The following ITGA9 variants were observed in gnomAD, a reference collection of about 807,000 sequenced individuals.
The protein encoded by ITGA9 is integrin subunit alpha 9, also known as integrin alpha-9.
A neutral mutation model predicts 127.8 loss-of-function variants in ITGA9; 56 were observed. That is an observed-to-expected ratio of 0.44 (90% CI 0.35 to 0.55). The LOEUF is 0.55. Ranked by LOEUF, ITGA9 falls within the 20% of genes least tolerant of loss-of-function variation. The pLI is 0.00. For synonymous variants in ITGA9, 508 were observed against 514.5 expected (o/e 0.99, Z 0.17); for missense variants, 1,196 against 1,347.1 (o/e 0.89, Z 1.76).
chr3:37,545,822 C>T (rs1295401357), intron 15 of ITGA9, among the ~76,000 whole-genome samples: 2 of 152,210 alleles, frequency 1.3e-5, no homozygotes, highest in African/African-American at 4.8e-5. Context: ...CCTGACCTTA[C>T]CTTTCTAGAC....
At chr3:37,626,697 G>T (rs192339183) in intron 15 of ITGA9, among the ~76,000 whole-genome samples, 4 of 152,128 alleles carry the variant, frequency 2.6e-5, no homozygotes, top group Non-Finnish European at 4.4e-5. Flanking sequence ...GAAGGTGGGG[G>T]TCAATAATCT....
At chr3:37,783,054 G>A (rs180980295) in intron 25 of ITGA9, among the ~76,000 whole-genome samples, 2 of 151,992 alleles carry the variant, frequency 1.3e-5, no homozygotes, top group African/African-American at 4.8e-5. Flanking sequence ...CAGAAGAATC[G>A]CTTGAACCTG....
chr3:37,517,584 C>T lies in ITGA9; in HGVS notation c.1116C>T (p.Asp372=), dbSNP rs750846694. ...AHFGESIASL[D]DLDNDGFPDV... is the part of the protein sequence containing the mutation. Reference sequence around the variant, plus strand: ...TTGGAGAGAGCATTGCCAGCCTGGACGATCTGGACAATGATGGGTTCCCAG... The same window carrying T: ...TTGGAGAGAGCATTGCCAGCCTGGATGATCTGGACAATGATGGGTTCCCAG... The change falls in exon 10 of 28, where the codon GAC becomes GAT. Residue 372 remains aspartate, a synonymous_variant. Coordinates refer to ENST00000264741, the MANE Select transcript of ITGA9 (RefSeq NM_002207.3). 7 of 1,589,704 alleles carry T rather than the reference C, an allele frequency of 4.4e-6. No homozygotes were observed. The East Asian group carries it at 6.8e-5, about 15-fold the overall frequency.
intron 14 of ITGA9, among the ~76,000 whole-genome samples, chr3:37,539,991 C>G (rs1399860590): frequency 6.6e-6 from 1 of 152,192 alleles, no homozygotes; most frequent in East Asian, 1.9e-4. Flanking sequence ...AGAGAAAGCC[C>G]TCAGGAGAAG....
rs140933753 is a variant in ITGA9 at position 37,545,107 on chromosome 3, C to T, written c.1689+2522C>T. 3.9e-5 allele frequency among the ~76,000 whole-genome samples: 6 copies of T among 152,290 alleles called. No individual in the cohort carries two copies. In the East Asian group the frequency reaches 1.2e-3, roughly 29 times the overall value. The stretch of plus-strand genomic sequence containing the variant: ...AGGGGAAGGGGAGTGGCAGCCGGGC[C>T]ACCTCCTGGAGCAGGAACTGGGGCC... On this transcript the variant is annotated intron_variant, in intron 15 of 27. Transcript: ENST00000264741.
chr3:37,802,709 A>G lies in ITGA9; in HGVS notation c.2890-1114A>G, dbSNP rs147069132. ...CCGAAGGGGACAATCAGAAGTGAGC[A>G]CTGATACATGTTTAACAATCAGTTC... On this transcript the variant is annotated intron_variant, in intron 26 of 27. Coordinates refer to ENST00000264741, the MANE Select transcript of ITGA9 (RefSeq NM_002207.3). 1.1e-4 allele frequency among the ~76,000 whole-genome samples: 16 copies of G among 152,328 alleles called. No individual in the cohort carries two copies. The East Asian group carries it at 3.1e-3, about 29-fold the overall frequency.
At chr3:37,682,765 ACTC>A (rs1700746079) in intron 17 of ITGA9, among the ~76,000 whole-genome samples, 1 of 151,932 alleles carries the variant, frequency 6.6e-6, no homozygotes, top group Admixed American at 6.6e-5. Context: ...GCAGTCCTTG[ACTC>A]CTCTTTTCCT....
chr3:37,512,571 C>T (rs1020319381), intron 8 of ITGA9, among the ~76,000 whole-genome samples: 3 of 152,102 alleles, frequency 2.0e-5, no homozygotes, highest in Non-Finnish European at 4.4e-5. Context: ...GGAAAGAATA[C>T]AGCCTACAAA....
At chr3:37,505,665 ATTCAT>A (rs1367678560) in intron 6 of ITGA9, among the ~76,000 whole-genome samples, 1 of 152,240 alleles carries the variant, frequency 6.6e-6, no homozygotes, top group Non-Finnish European at 1.5e-5. Flanking sequence ...TCATGTGTGC[ATTCAT>A]TGAGTTTTAC....
At chr3:37,477,626 G>C (rs75596803) in intron 3 of ITGA9, among the ~76,000 whole-genome samples, 4 of 152,184 alleles carry the variant, frequency 2.6e-5, no homozygotes, top group African/African-American at 9.7e-5. Flanking sequence ...TGAGCTTCCT[G>C]TGTGCAGACG....
At chr3:37,812,459 G>C (rs1431079793) in intron 27 of ITGA9, among the ~76,000 whole-genome samples, 1 of 152,212 alleles carries the variant, frequency 6.6e-6, no homozygotes, top group Non-Finnish European at 1.5e-5. Context: ...GGAGGAAGAG[G>C]CTGCTGCTGC....
intron 16 of ITGA9, among the ~76,000 whole-genome samples, chr3:37,632,369 G>A (rs917242150): frequency 6.6e-6 from 1 of 152,146 alleles, no homozygotes; most frequent in African/African-American, 2.4e-5. Context: ...CAAAAACTCA[G>A]TGGAAGTATT....
intron 15 of ITGA9, among the ~76,000 whole-genome samples, chr3:37,619,069 A>G (rs1700102943): frequency 6.6e-6 from 1 of 152,228 alleles, no homozygotes; most frequent in African/African-American, 2.4e-5. Flanking sequence ...TGGGAGCAGT[A>G]GACTGGAGCT....
At chr3:37,516,970 A>G (rs1292663257) in intron 9 of ITGA9, among the ~76,000 whole-genome samples, 1 of 152,222 alleles carries the variant, frequency 6.6e-6, no homozygotes, top group East Asian at 1.9e-4. Context: ...GACGTCTGCC[A>G]TCACAGCCAC....
chr3:37,733,515 CAAAAAAAAAAAAAAAAAA>C (rs58505517), intron 19 of ITGA9, among the ~76,000 whole-genome samples: 2 of 80,380 alleles, frequency 2.5e-5, no homozygotes, highest in East Asian at 4.7e-4. Flanking sequence ...CTCCGTCTCA[CAAAAAAAAAAAAAAAAAA>C]AAAAAAAAAA....
chr3:37,625,216 A>G (rs940721108), intron 15 of ITGA9, among the ~76,000 whole-genome samples: 1 of 151,954 alleles, frequency 6.6e-6, no homozygotes, highest in Non-Finnish European at 1.5e-5. Context: ...CTCAGTCTGA[A>G]CCTTTGGGTC....
At chr3:37,736,564 A>G (rs1696364996) in intron 19 of ITGA9, among the ~76,000 whole-genome samples, 1 of 152,260 alleles carries the variant, frequency 6.6e-6, no homozygotes, top group Admixed American at 6.5e-5. Flanking sequence ...AAAAATATGA[A>G]CAAATATCCC....
chr3:37,744,188 G>A (rs1342939826), intron 22 of ITGA9, among the ~76,000 whole-genome samples, 154 bp downstream of exon 22: 1 of 152,172 alleles, frequency 6.6e-6, no homozygotes, highest in African/African-American at 2.4e-5. Flanking sequence ...CACACAGAAT[G>A]AATCCTTTTC....
chr3:37,727,897 TCAGTGGTTTTG>T (rs1487703585), intron 18 of ITGA9, among the ~76,000 whole-genome samples: 5 of 152,234 alleles, frequency 3.3e-5, no homozygotes, highest in Non-Finnish European at 5.9e-5. Context: ...TCCAGATTTA[TCAGTGGTTTTG>T]CAGTGGTTTT....
Sources: allele counts gnomAD v4.1 joint callset (sites outside exome capture counted in the v4.1 genomes callset), GRCh38; gene constraint gnomAD v4.1.1; transcripts MANE v1.5; gene names NCBI Gene and HGNC (gene_info 2026-07-23, HGNC 2026-07-21).